The following NFAM1 variants were observed in gnomAD, a reference collection of about 807,000 sequenced individuals.
NFAM1 encodes the protein NFAT activating protein with ITAM motif 1, also known as NFAT activation molecule 1.
In NFAM1, 17 loss-of-function variants were observed where a neutral mutation model predicts 29.0. That is an observed-to-expected ratio of 0.59 (90% CI 0.40 to 0.88). The LOEUF (loss-of-function observed/expected upper bound fraction) is 0.88. Among genes scored for constraint, NFAM1 ranks in the 40% least tolerant of loss-of-function variants. The pLI is 0.00. For missense variants in NFAM1, 324 were observed against 344.6 expected (o/e 0.94, Z 0.47); for synonymous variants, 175 against 147.2 (o/e 1.19, Z -1.36).
intron 1 of NFAM1, among the ~76,000 whole-genome samples, chr22:42,428,008 C>T (rs1035995239): frequency 1.3e-5 from 2 of 152,146 alleles, no homozygotes; most frequent in Non-Finnish European, 2.9e-5. Flanking sequence ...GTGCTTACCA[C>T]GCAGCACTGC....
chr22:42,386,437 C>A (rs368971019), intron 5 of NFAM1, among the ~76,000 whole-genome samples: 1 of 149,314 alleles, frequency 6.7e-6, no homozygotes. Context: ...AAAACAAAAA[C>A]AAAAAAAAAG....
At chr22:42,424,457 C>G (rs1930557604) in intron 1 of NFAM1, among the ~76,000 whole-genome samples, 1 of 151,998 alleles carries the variant, frequency 6.6e-6, no homozygotes. Flanking sequence ...ATACAAACAA[C>G]AAGAAAAAGA....
intron 1 of NFAM1, 71 bp from the exon 2 acceptor site, chr22:42,411,807 A>G: frequency 2.8e-6 from 3 of 1,082,680 alleles, no homozygotes; most frequent in Non-Finnish European, 4.2e-6. Flanking sequence ...CTTGCCTGTT[A>G]AGGCTCACGA....
At chr22:42,408,340 G>T (rs1300781172) in intron 3 of NFAM1, among the ~76,000 whole-genome samples, 1 of 152,090 alleles carries the variant, frequency 6.6e-6, no homozygotes, top group Non-Finnish European at 1.5e-5. Context: ...GTGTGGGTAG[G>T]GTCTTGGCCT....
At position 42,394,354 on chromosome 22, in the gene NFAM1, A is replaced by T. The variant is rs535210757; in HGVS notation, c.663+3504T>A. Among the ~76,000 whole-genome samples the T allele has an allele frequency of 9.9e-5, 15 of 151,428 alleles. No individual in the cohort carries two copies. The South Asian group carries it at 3.1e-3, about 32-fold the overall frequency. The stretch of plus-strand genomic sequence containing the variant: ...CGCTCAGCCCTCCATGTCCTTATTG[A>T]TCCTTATTAATTTAAAAAAAAATTT... On this transcript the variant is annotated intron_variant, in intron 4 of 5. Coordinates refer to ENST00000329021, the MANE Select transcript of NFAM1 (RefSeq NM_145912.8).
rs1930353431 is a variant in NFAM1, at chr22:42,419,149, G to A, written c.122-7413C>T. Among the ~76,000 whole-genome samples the A allele has an allele frequency of 6.6e-6, 1 of 152,096 alleles. No homozygotes were observed. Among genetic ancestry groups the A allele is most frequent in the Non-Finnish European group, 1.5e-5 (1 of 68,008 alleles). On this transcript the variant is annotated intron_variant, in intron 1 of 5. Coordinates refer to ENST00000329021, the MANE Select transcript of NFAM1 (RefSeq NM_145912.8). The surrounding 1 kb of genome is among the most constrained non-coding windows in gnomAD (Gnocchi z 4.5). Reference sequence around the variant, plus strand: ...CCCCCACGTGTTTGTGTGCCCACCTGGCAGCTTTCCTGTGGATCACTGATG... The same window carrying A: ...CCCCCACGTGTTTGTGTGCCCACCTAGCAGCTTTCCTGTGGATCACTGATG...
intron 1 of NFAM1, among the ~76,000 whole-genome samples, chr22:42,424,270 A>C (rs1467161422): frequency 6.6e-6 from 1 of 151,972 alleles, no homozygotes; most frequent in Non-Finnish European, 1.5e-5. Context: ...AAAAAATTAG[A>C]CGAGCATGGT....
At chr22:42,389,820 A>G (rs1447542144) in intron 4 of NFAM1, among the ~76,000 whole-genome samples, 1 of 152,204 alleles carries the variant, frequency 6.6e-6, no homozygotes, top group East Asian at 1.9e-4. Flanking sequence ...TGTGAAGTCA[A>G]TGCTGAGGCC....
rs558563697 is a variant in NFAM1, at chr22:42,419,433, G to A, written c.122-7697C>T. On this transcript the variant is annotated intron_variant, in intron 1 of 5. Coordinates refer to ENST00000329021, the MANE Select transcript of NFAM1 (RefSeq NM_145912.8). This position sits in a 1 kb window ranked among gnomAD's most constrained non-coding sequence, Gnocchi z 4.5. ...AAATAGAACATGAAGCATTTCATGC[G>A]TAGTAAGGGCACTGTTTGCGACCTT... 3.3e-5 allele frequency among the ~76,000 whole-genome samples: 5 copies of A among 152,310 alleles called. No individual in the cohort carries two copies. In the East Asian group the frequency reaches 7.7e-4, roughly 23 times the overall value.
chr22:42,392,342 T>C (rs886295674), intron 4 of NFAM1, among the ~76,000 whole-genome samples: 5 of 151,996 alleles, frequency 3.3e-5, no homozygotes, highest in African/African-American at 9.7e-5. Context: ...TCAGATGCCG[T>C]TGATTCATCA....
chr22:42,436,030 G>A (rs546938238), upstream of NFAM1, among the ~76,000 whole-genome samples: 162 of 152,198 alleles, frequency 1.1e-3, no homozygotes, highest in African/African-American at 3.8e-3. Context: ...ATGTTGGCCA[G>A]GCTGGTCTCG....
chr22:42,422,556 C>T (rs903172064), intron 1 of NFAM1, among the ~76,000 whole-genome samples: 5 of 151,944 alleles, frequency 3.3e-5, no homozygotes. Flanking sequence ...GCCGAGACCG[C>T]GCCACTACAC....
intron 3 of NFAM1, among the ~76,000 whole-genome samples, chr22:42,404,479 C>T (rs1451647835): frequency 6.6e-6 from 1 of 152,122 alleles, no homozygotes; most frequent in Non-Finnish European, 1.5e-5. Context: ...GCAATGCAAA[C>T]GCAGCAGCTG....
intron 4 of NFAM1, among the ~76,000 whole-genome samples, chr22:42,393,204 C>A (rs1465802346): frequency 6.6e-6 from 1 of 151,884 alleles, no homozygotes; most frequent in East Asian, 1.9e-4. Flanking sequence ...AATCCACAAT[C>A]ATACTGGCAG....
intron 1 of NFAM1, among the ~76,000 whole-genome samples, chr22:42,416,655 C>G (rs1314332045): frequency 1.3e-5 from 2 of 152,026 alleles, no homozygotes; most frequent in African/African-American, 4.8e-5. Flanking sequence ...CGGCCTGCCC[C>G]GGGGGTGCCT....
rs151280792 is a variant in NFAM1 at position 42,385,192 on chromosome 22, C to G, written c.782G>C (p.Gly261Ala). ...ATTTTCATAGACCAGGTTAAGTTCG[C>G]CATCATCTTCGAATCTATGCGGTCT... ...QERPHRFEDD[G>A]ELNLVYENL The change falls in exon 6 of 6, where the codon GGC becomes GCC. Residue 261 changes from glycine (G) to alanine (A), a missense_variant. Physicochemically the swap from Gly to Ala is moderately conservative, Grantham distance 60 (BLOSUM62 0). Transcript: ENST00000329021. 2.1e-3 allele frequency: 3,395 copies of G among 1,612,914 alleles called. 57 individuals carry two copies. The African/African-American group carries it at 0.037, about 17-fold the overall frequency.
intron 1 of NFAM1, among the ~76,000 whole-genome samples, chr22:42,418,985 G>A (rs1930348004): frequency 6.6e-6 from 1 of 152,172 alleles, no homozygotes; most frequent in Non-Finnish European, 1.5e-5. Flanking sequence ...CCGCCCACGG[G>A]TGCCTGAGTC....
chr22:42,391,213 G>A (rs1033905582), intron 4 of NFAM1, among the ~76,000 whole-genome samples: 7 of 152,132 alleles, frequency 4.6e-5, no homozygotes, highest in African/African-American at 7.2e-5. Context: ...TCTCCCAGAG[G>A]GTTTCTCTAA....
Position 42,419,384 on chromosome 22 carries a change from G to A in NFAM1, c.122-7648C>T, listed in dbSNP as rs1217448526. On this transcript the variant is annotated intron_variant, in intron 1 of 5. Coordinates refer to ENST00000329021, the MANE Select transcript of NFAM1 (RefSeq NM_145912.8). The surrounding 1 kb of genome is among the most constrained non-coding windows in gnomAD (Gnocchi z 4.5). ...AGGAAGGAGTCTGAAATCAATTTACGGGGTCAAGACAAGCAATTAAAAAAA... is the reference window on the plus strand; with the variant it reads ...AGGAAGGAGTCTGAAATCAATTTACAGGGTCAAGACAAGCAATTAAAAAAA... Among the ~76,000 whole-genome samples, 4 of 152,028 alleles carry A rather than the reference G, an allele frequency of 2.6e-5. No individual in the cohort carries two copies. Among genetic ancestry groups the A allele is most frequent in the Admixed American group, 1.3e-4 (2 of 15,276 alleles).
Sources: gnomAD v4.1 joint callset for allele counts (sites outside exome capture counted in the v4.1 genomes callset) on GRCh38, gnomAD v4.1.1 for gene constraint, Gnocchi (gnomAD v3.1) non-coding constraint, MANE v1.5 for transcripts, NCBI Gene and HGNC (gene_info 2026-07-23, HGNC 2026-07-21) for gene names.